PTPRT: variants seen among roughly 807,000 people sequenced by gnomAD.
PTPRT encodes protein tyrosine phosphatase receptor type T.
PTPRT carries 56 observed loss-of-function variants against 176.8 expected under a neutral mutation model. That is an observed-to-expected ratio of 0.32 (90% confidence interval 0.26 to 0.40). PTPRT has a LOEUF of 0.40. PTPRT is among the 10% of genes least tolerant of loss of function. The pLI, the probability that PTPRT is intolerant of heterozygous loss-of-function variation, is 1.00. For synonymous variants in PTPRT, 783 were observed against 739.0 expected (o/e 1.06, Z -0.96); for missense variants, 1,540 against 1,908.2 (o/e 0.81, Z 3.60).
At chr20:42,623,783 TG>T (rs748153239) in intron 7 of PTPRT, among the ~76,000 whole-genome samples, 2 of 152,110 alleles carry the variant, frequency 1.3e-5, no homozygotes, top group African/African-American at 2.4e-5. Flanking sequence ...CTCTGAGTCC[TG>T]GACTTGTGTT....
chr20:42,624,691 C>T (rs2074259607), intron 7 of PTPRT, among the ~76,000 whole-genome samples: 1 of 151,996 alleles, frequency 6.6e-6, no homozygotes, highest in Non-Finnish European at 1.5e-5. Flanking sequence ...ATTTGAGGGG[C>T]CAGGAGTGGT....
At chr20:43,037,854 G>A (rs979647767) in intron 1 of PTPRT, among the ~76,000 whole-genome samples, 2 of 152,166 alleles carry the variant, frequency 1.3e-5, no homozygotes, top group African/African-American at 4.8e-5. Context: ...AACTGAGCTA[G>A]AGTCACCTTC....
At chr20:42,638,569 A>G (rs1322627721) in intron 7 of PTPRT, among the ~76,000 whole-genome samples, 1 of 152,150 alleles carries the variant, frequency 6.6e-6, no homozygotes, top group Non-Finnish European at 1.5e-5. Context: ...TTATGACTAA[A>G]TGAATCCTGA....
intron 9 of PTPRT, among the ~76,000 whole-genome samples, chr20:42,400,131 C>G (rs372835607): frequency 6.6e-6 from 1 of 152,110 alleles, no homozygotes; most frequent in African/African-American, 2.4e-5. Context: ...GGGCATTACC[C>G]GTGCCAGATT....
intron 1 of PTPRT, among the ~76,000 whole-genome samples, chr20:43,129,636 T>TTTC (rs2013577593): frequency 7.0e-6 from 1 of 142,134 alleles, no homozygotes; most frequent in Non-Finnish European, 1.5e-5. Context: ...TTTTTTTTTT[T>TTTC]GAGACGGAGT....
chr20:43,106,605 C>T (rs930562521), intron 1 of PTPRT, among the ~76,000 whole-genome samples: 4 of 141,676 alleles, frequency 2.8e-5, no homozygotes, highest in South Asian at 2.4e-4. Context: ...TGCAGTGAGC[C>T]GGGATCGCGC....
intron 1 of PTPRT, among the ~76,000 whole-genome samples, chr20:43,089,428 G>A (rs2011734692): frequency 6.6e-6 from 1 of 152,202 alleles, no homozygotes; most frequent in South Asian, 2.1e-4. Context: ...TGTTGGTCAG[G>A]CTGGTTTCAA....
intron 16 of PTPRT, among the ~76,000 whole-genome samples, chr20:42,165,698 T>A (rs1989794482): frequency 1.3e-5 from 2 of 152,254 alleles, no homozygotes; most frequent in Non-Finnish European, 2.9e-5. Flanking sequence ...TTTTAAATTT[T>A]GTTTAATTTT....
intron 1 of PTPRT, among the ~76,000 whole-genome samples, chr20:42,895,912 C>T (rs548933862): frequency 5.9e-5 from 9 of 152,030 alleles, no homozygotes; most frequent in Non-Finnish European, 8.8e-5. Flanking sequence ...AATACAGTCC[C>T]GTGTATTGCC....
At chr20:42,721,988 GATGCCA>G (rs2076310550) in intron 6 of PTPRT, among the ~76,000 whole-genome samples, 1 of 152,198 alleles carries the variant, frequency 6.6e-6, no homozygotes, top group South Asian at 2.1e-4. Context: ...TTTGTGGAAG[GATGCCA>G]ATGCCCCCAT....
intron 1 of PTPRT, among the ~76,000 whole-genome samples, chr20:42,999,171 T>C (rs1294854738): frequency 1.3e-5 from 2 of 152,136 alleles, no homozygotes; most frequent in Non-Finnish European, 2.9e-5. Flanking sequence ...TTTAGCCACA[T>C]AGGAAAATTT....
At chr20:42,228,979 G>A (rs2056078396) in intron 15 of PTPRT, among the ~76,000 whole-genome samples, 1 of 152,208 alleles carries the variant, frequency 6.6e-6, no homozygotes, top group African/African-American at 2.4e-5. Flanking sequence ...TATGGTCCAT[G>A]GAAATTGGAG....
intron 2 of PTPRT, among the ~76,000 whole-genome samples, chr20:42,857,375 A>G (rs547051860): frequency 6.6e-6 from 1 of 152,260 alleles, no homozygotes; most frequent in Non-Finnish European, 1.5e-5. Flanking sequence ...TTAGAGCTAG[A>G]ATTATCTTAA....
At chr20:42,612,865 T>C (rs1007693505) in intron 7 of PTPRT, among the ~76,000 whole-genome samples, 1 of 150,788 alleles carries the variant, frequency 6.6e-6, no homozygotes. Flanking sequence ...ATGGAAAGAG[T>C]GTTTCTGTGG....
chr20:42,888,814 C>T (rs768035674), intron 1 of PTPRT, among the ~76,000 whole-genome samples: 2 of 151,990 alleles, frequency 1.3e-5, no homozygotes, highest in Non-Finnish European at 2.9e-5. Context: ...TGATCCTTAC[C>T]CTCACAAAGT....
chr20:42,317,445 C>T (rs1568768943), intron 11 of PTPRT, among the ~76,000 whole-genome samples: 1 of 152,156 alleles, frequency 6.6e-6, no homozygotes, highest in Non-Finnish European at 1.5e-5. Flanking sequence ...CTCTGGGACT[C>T]ATGATCTAAA....
chr20:42,486,294 A>G (rs1306014065), intron 7 of PTPRT, among the ~76,000 whole-genome samples: 1 of 152,140 alleles, frequency 6.6e-6, no homozygotes, highest in Non-Finnish European at 1.5e-5. Context: ...CTTGACTTTC[A>G]TTTTTGACTT....
chr20:42,525,315 A>AT (rs1167660098), intron 7 of PTPRT, among the ~76,000 whole-genome samples: 2 of 152,012 alleles, frequency 1.3e-5, no homozygotes, highest in Non-Finnish European at 2.9e-5. Flanking sequence ...TGTTTTAAAT[A>AT]TTTTTTCCAT....
chr20:42,350,759 G>C (rs370608049), intron 10 of PTPRT, 29 bp from the exon 11 acceptor site: 10 of 1,527,338 alleles, frequency 6.5e-6, no homozygotes, highest in African/African-American at 4.1e-5. Flanking sequence ...GTGCAGGTGA[G>C]TTCAGCACAG....
Sources: gnomAD v4.1 joint callset for allele counts (sites outside exome capture counted in the v4.1 genomes callset) on GRCh38, gnomAD v4.1.1 for gene constraint, MANE v1.5 for transcripts, NCBI Gene and HGNC (gene_info 2026-07-23, HGNC 2026-07-21) for gene names.